The following SNRPN variants were observed in gnomAD, a reference collection of about 807,000 sequenced individuals.
SNRPN encodes small nuclear ribonucleoprotein-associated protein N.
SNRPN carries 7 observed loss-of-function variants against 25.2 expected under a neutral mutation model. The ratio of observed to expected loss-of-function variants is 0.28; its 90% confidence interval spans 0.16 to 0.52. The LOEUF (loss-of-function observed/expected upper bound fraction) is 0.52. Ranked by LOEUF, SNRPN falls within the 20% of genes least tolerant of loss-of-function variation. The pLI is 0.96. For synonymous variants in SNRPN, 124 were observed against 110.6 expected (o/e 1.12, Z -0.76); for missense variants, 196 against 322.5 (o/e 0.61, Z 3.00).
At chr15:24,903,891 G>A (rs927833366) in intron 2 of SNRPN, among the ~76,000 whole-genome samples, 1 of 152,032 alleles carries the variant, frequency 6.6e-6, no homozygotes, top group African/African-American at 2.4e-5. Flanking sequence ...AAAAATTGCT[G>A]TGTGTGGTGG....
chr15:24,854,374 A>G (rs2053185046), upstream of SNRPN, among the ~76,000 whole-genome samples: 1 of 152,226 alleles, frequency 6.6e-6, no homozygotes, highest in African/African-American at 2.4e-5. Flanking sequence ...GGCCACCTTT[A>G]TATGTGATCA....
intron 2 of SNRPN, among the ~76,000 whole-genome samples, chr15:24,841,864 A>G (rs1191899074): frequency 6.6e-6 from 1 of 152,142 alleles, no homozygotes; most frequent in Non-Finnish European, 1.5e-5. Context: ...GGCTGTCTGA[A>G]TACTCACCAT....
intron 2 of SNRPN, among the ~76,000 whole-genome samples, chr15:24,835,884 C>A (rs117292838): frequency 1.3e-5 from 2 of 151,672 alleles, no homozygotes; most frequent in African/African-American, 4.9e-5. Flanking sequence ...AGGCTGGTCT[C>A]GAACTCCTAG....
In SNRPN at chr15:24,865,046, C is replaced by CT. The variant is rs35703226; in HGVS notation, c.-579+8348dup. On this transcript the variant is annotated intron_variant, in intron 1 of 11. Coordinates refer to the SNRPN transcript ENST00000400097. ...TGTTCACCTTGGTGTGGAGACTGAG[C>CT]TTTTTTTTTTTTTTTTTTGAGACAG... Among the ~76,000 whole-genome samples, 242 of 132,968 alleles carry CT rather than the reference C, an allele frequency of 1.8e-3. 2 individuals carry two copies. Among genetic ancestry groups the CT allele is most frequent in the South Asian group, 2.4e-3 (10 of 4,082 alleles). 87.2% of individuals were successfully genotyped at this position (132,968 alleles called of 152,430 possible).
chr15:24,900,099 T>C (rs2058356585), intron 2 of SNRPN, among the ~76,000 whole-genome samples: 1 of 152,170 alleles, frequency 6.6e-6, no homozygotes, highest in Non-Finnish European at 1.5e-5. Context: ...ACACGTGCCT[T>C]GGGAGCCCGA....
chr15:24,912,888 G>T (rs779919335), intron 2 of SNRPN, among the ~76,000 whole-genome samples: 15 of 152,098 alleles, frequency 9.9e-5, no homozygotes, highest in Non-Finnish European at 1.8e-4. Context: ...TCATCCTCCA[G>T]AAACACGACA....
chr15:24,864,413 G>T (rs1252697288), intron 1 of SNRPN, among the ~76,000 whole-genome samples: 2 of 116,592 alleles, frequency 1.7e-5, no homozygotes, highest in Non-Finnish European at 3.6e-5. Flanking sequence ...GCGCAATCTC[G>T]GCTCGCTGCA....
intron 2 of SNRPN, among the ~76,000 whole-genome samples, chr15:24,888,948 C>A (rs1043851697): frequency 6.6e-6 from 1 of 151,944 alleles, no homozygotes; most frequent in South Asian, 2.1e-4. Context: ...GACAGAGTCT[C>A]GCTCTGTCAC....
At chr15:24,933,343 G>GA (rs199642200) in intron 3 of SNRPN, among the ~76,000 whole-genome samples, 5,080 of 147,310 alleles carry the variant, frequency 0.034, 257 homozygotes, top group African/African-American at 0.11. Flanking sequence ...CTGGTTTAAA[G>GA]AAAAAAAAAA....
At chr15:24,957,489 C>T (rs142659222) in intron 1 of SNRPN, among the ~76,000 whole-genome samples, 233 of 152,236 alleles carry the variant, frequency 1.5e-3, no homozygotes, top group African/African-American at 5.0e-3. Context: ...TTTTTATATT[C>T]CAGTACTTTT....
chr15:24,897,009 C>A (rs961383085), intron 2 of SNRPN, among the ~76,000 whole-genome samples: 2 of 151,798 alleles, frequency 1.3e-5, no homozygotes, highest in Non-Finnish European at 2.9e-5. Context: ...AAAAATTACC[C>A]GGGCACAGTG....
intron 5 of SNRPN, 147 bp downstream of exon 5, chr15:24,975,656 C>G (rs1381067492): frequency 1.5e-6 from 1 of 655,860 alleles, no homozygotes; most frequent in Non-Finnish European, 2.6e-6. Context: ...TTGACCTGAT[C>G]TCTGAATTAG....
intron 3 of SNRPN, among the ~76,000 whole-genome samples, chr15:24,939,810 T>A (rs569286213): frequency 4.0e-5 from 6 of 149,664 alleles, no homozygotes; most frequent in Non-Finnish European, 7.4e-5. Flanking sequence ...TTCTTTTTGA[T>A]ACAGAGTCTC....
chr15:24,853,058 C>T (rs1478977955), upstream of SNRPN, among the ~76,000 whole-genome samples: 1 of 152,146 alleles, frequency 6.6e-6, no homozygotes, highest in Non-Finnish European at 1.5e-5. Context: ...TTTTAGAAAA[C>T]TTGTTCTGTT....
intron 1 of SNRPN, among the ~76,000 whole-genome samples, chr15:24,880,605 T>C (rs917842050): frequency 9.2e-5 from 14 of 152,336 alleles, no homozygotes; most frequent in Non-Finnish European, 5.9e-5. Flanking sequence ...AAAATACTTT[T>C]TCTTTCCTGA....
At chr15:24,856,469 T>G (rs1304224132), upstream of SNRPN, 2 of 152,276 alleles carry the variant, frequency 1.3e-5, no homozygotes, top group Admixed American at 6.5e-5. Flanking sequence ...CAGACATCCT[T>G]CTTGCGCAAG....
intron 2 of SNRPN, among the ~76,000 whole-genome samples, chr15:24,843,265 A>G (rs1033328219): frequency 3.3e-5 from 5 of 152,104 alleles, no homozygotes; most frequent in African/African-American, 1.2e-4. Context: ...ATTTGTGTTG[A>G]GGTATTATAT....
chr15:24,970,206 C>T (rs1295649677), intron 3 of SNRPN, among the ~76,000 whole-genome samples: 1 of 152,136 alleles, frequency 6.6e-6, no homozygotes, highest in Non-Finnish European at 1.5e-5. Context: ...GATGGGTAGT[C>T]TTTAACAACA....
chr15:24,888,051 G>C (rs1235076991), intron 2 of SNRPN, among the ~76,000 whole-genome samples: 1 of 151,530 alleles, frequency 6.6e-6, no homozygotes, highest in Non-Finnish European at 1.5e-5. Flanking sequence ...TGGCTAAAAA[G>C]GTAAATTTTA....
Sources: gnomAD v4.1 joint callset for allele counts (sites outside exome capture counted in the v4.1 genomes callset) on GRCh38, gnomAD v4.1.1 for gene constraint, MANE v1.5 for transcripts, NCBI Gene and HGNC (gene_info 2026-07-23, HGNC 2026-07-21) for gene names.